AKAP6: variants seen among roughly 807,000 people sequenced by gnomAD.
The protein encoded by AKAP6 is A-kinase anchoring protein 6, also known as A-kinase anchor protein 6.
AKAP6 carries 58 observed loss-of-function variants against 188.5 expected under a neutral mutation model. That is an observed-to-expected ratio of 0.31 (90% CI 0.25 to 0.38). AKAP6 has a LOEUF of 0.38. Among genes scored for constraint, AKAP6 ranks in the 10% least tolerant of loss-of-function variants. The pLI is 1.00. For missense variants in AKAP6, 2,710 were observed against 2,740.0 expected (o/e 0.99, Z 0.24); for synonymous variants, 989 against 998.6 (o/e 0.99, Z 0.18).
At chr14:32,398,851 T>G (rs56312139) in intron 1 of AKAP6, among the ~76,000 whole-genome samples, 4,182 of 110,358 alleles carry the variant, frequency 0.038, 36 homozygotes, top group East Asian at 0.06. Flanking sequence ...CCTGTTTTTT[T>G]TTTTTTTTTT....
intron 5 of AKAP6, among the ~76,000 whole-genome samples, chr14:32,590,448 AAAC>A (rs1407359813): frequency 1.3e-5 from 2 of 152,226 alleles, no homozygotes; most frequent in East Asian, 3.9e-4. Flanking sequence ...CTCAGAAACA[AAAC>A]AAAACAAAAC....
chr14:32,547,667 G>A (rs1883041053), intron 4 of AKAP6, among the ~76,000 whole-genome samples: 1 of 151,988 alleles, frequency 6.6e-6, no homozygotes, highest in Non-Finnish European at 1.5e-5. Flanking sequence ...CGACGGCTTG[G>A]GCAATGTAGG....
intron 1 of AKAP6, among the ~76,000 whole-genome samples, chr14:32,329,748 A>G (rs1886471501): frequency 1.3e-5 from 2 of 151,646 alleles, no homozygotes; most frequent in Admixed American, 1.3e-4. Context: ...GTAAAAATAT[A>G]GATTTCTTTT....
At chr14:32,387,554 G>T (rs542465208) in intron 1 of AKAP6, among the ~76,000 whole-genome samples, 1 of 148,688 alleles carries the variant, frequency 6.7e-6, no homozygotes, top group Non-Finnish European at 1.5e-5. Flanking sequence ...AATCATAAAG[G>T]GATGCTGGAT....
At chr14:32,738,374 C>G (rs1242607722) in intron 11 of AKAP6, among the ~76,000 whole-genome samples, 2 of 152,138 alleles carry the variant, frequency 1.3e-5, no homozygotes, top group South Asian at 4.1e-4. Flanking sequence ...GGCCTGGTCC[C>G]AAAACGAGTC....
rs1417208928 is a variant in AKAP6, at chr14:32,387,416, T to A, written c.-34-46044T>A. ...CAACTTTTCCCCATTCAGTATTATG[T>A]TTGCTGTGGGTTTGTCATCGATGGC... On this transcript the variant is annotated intron_variant, in intron 1 of 13. Coordinates refer to ENST00000280979, the MANE Select transcript of AKAP6 (RefSeq NM_004274.5). 5.3e-5 allele frequency among the ~76,000 whole-genome samples: 8 copies of A among 151,294 alleles called. 1 individual carries two copies. In the East Asian group the frequency reaches 1.5e-3, roughly 29 times the overall value.
chr14:32,576,854 A>ACAATC lies in AKAP6; in HGVS notation c.2347-257_2347-253dup, dbSNP rs1218695650. On this transcript the variant is annotated intron_variant, in intron 4 of 13. Transcript: ENST00000280979. The stretch of plus-strand genomic sequence containing the variant: ...GAGGTCACCCATACAGTGACACCCC[A>ACAATC]CAATCCAATCCAAATTCCTCAGAAA... Among the ~76,000 whole-genome samples, 5 of 152,228 alleles carry ACAATC rather than the reference A, an allele frequency of 3.3e-5. No individual in the cohort carries two copies. In the East Asian group the frequency reaches 9.7e-4, roughly 29 times the overall value.
Position 32,824,707 on chromosome 14 carries a change from A to C in AKAP6, c.6894A>C (p.Lys2298Asn), listed in dbSNP as rs755987137. The change falls in exon 13 of 14, where the codon AAA becomes AAC. Residue 2298 changes from lysine to asparagine, a missense_variant. Physicochemically the swap from Lys to Asn is moderately conservative, Grantham distance 94. Around this residue, in one of 2 missense-constraint regions of AKAP6, gnomAD observed 2,473 missense variants for 2,426.1 expected, o/e 1.02. Transcript: ENST00000280979. ...AGGCCGCATTGCATCCCAGCCCCAA[A>C]ACTTTAACCTGTGAAGAAAATCTTC... ...TDKAALHPSPKTLTCEENLLN... is the reference protein window; with the variant it reads ...TDKAALHPSPNTLTCEENLLN... The C allele has an allele frequency of 2.5e-6, 4 of 1,613,822 alleles. No homozygotes were observed. Among genetic ancestry groups the C allele is most frequent in the Non-Finnish European group, 3.4e-6 (4 of 1,179,894 alleles).
intron 1 of AKAP6, among the ~76,000 whole-genome samples, chr14:32,333,452 A>T (rs549541106): frequency 1.3e-5 from 2 of 152,296 alleles, no homozygotes; most frequent in African/African-American, 4.8e-5. Flanking sequence ...TTCCCCAGCT[A>T]CATTCTAGAG....
intron 2 of AKAP6, among the ~76,000 whole-genome samples, chr14:32,496,715 T>C (rs1880338141): frequency 6.6e-6 from 1 of 152,178 alleles, no homozygotes; most frequent in Non-Finnish European, 1.5e-5. Context: ...GCTTGAACCA[T>C]ATGAAATTGC....
chr14:32,398,998 C>T (rs1380314175), intron 1 of AKAP6, among the ~76,000 whole-genome samples: 1 of 151,526 alleles, frequency 6.6e-6, no homozygotes, highest in African/African-American at 2.4e-5. Flanking sequence ...TGGGACCAGG[C>T]ATGCCACCAT....
intron 9 of AKAP6, among the ~76,000 whole-genome samples, chr14:32,727,043 A>G (rs141346284): frequency 1.3e-5 from 2 of 152,312 alleles, no homozygotes; most frequent in Non-Finnish European, 2.9e-5. Flanking sequence ...TCAGAAGGAT[A>G]TCAAATTTAT....
chr14:32,607,046 A>G (rs1386608353), intron 7 of AKAP6, among the ~76,000 whole-genome samples: 3 of 152,188 alleles, frequency 2.0e-5, no homozygotes, highest in East Asian at 3.9e-4. Flanking sequence ...TTAACCCAGT[A>G]TCTATGCTAA....
intron 2 of AKAP6, among the ~76,000 whole-genome samples, chr14:32,520,880 A>G (rs1047567002): frequency 1.4e-4 from 22 of 152,198 alleles, no homozygotes; most frequent in African/African-American, 4.6e-4. Flanking sequence ...AGCCTGGCAG[A>G]CACAACAAAA....
chr14:32,539,026 C>T (rs1882805681), intron 3 of AKAP6, among the ~76,000 whole-genome samples: 1 of 152,034 alleles, frequency 6.6e-6, no homozygotes, highest in Non-Finnish European at 1.5e-5. Context: ...TGGTTTCTTA[C>T]TATGTATAAG....
intron 11 of AKAP6, among the ~76,000 whole-genome samples, chr14:32,766,617 T>C (rs1275336520): frequency 6.6e-6 from 1 of 152,184 alleles, no homozygotes; most frequent in East Asian, 1.9e-4. Context: ...CCTTTTTTCA[T>C]ATTTTTTTGC....
At chr14:32,364,531 C>T (rs1355223120) in intron 1 of AKAP6, among the ~76,000 whole-genome samples, 1 of 152,070 alleles carries the variant, frequency 6.6e-6, no homozygotes, top group Non-Finnish European at 1.5e-5. Flanking sequence ...ATCCCTTTGT[C>T]TAAGGTAAAT....
chr14:32,786,300 T>A (rs1292993526), intron 12 of AKAP6, among the ~76,000 whole-genome samples: 12 of 52,270 alleles, frequency 2.3e-4, no homozygotes, highest in Admixed American at 1.9e-3. Context: ...ACCTTTATCT[T>A]TTTTTTTTTT....
rs536977249 is a variant in AKAP6 at position 32,464,129 on chromosome 14, G to C, written c.324+30312G>C. 1.1e-4 allele frequency among the ~76,000 whole-genome samples: 16 copies of C among 152,218 alleles called. No homozygotes were observed. In the South Asian group the frequency reaches 3.3e-3, roughly 32 times the overall value. ...AGCCTACCAACCAAAAAAAGCCCAG[G>C]ACCAGATGGATACACAGCCGAATTC... On this transcript the variant is annotated intron_variant, in intron 2 of 13. Coordinates refer to ENST00000280979, the MANE Select transcript of AKAP6 (RefSeq NM_004274.5).
Sources: gnomAD v4.1 joint callset for allele counts (sites outside exome capture counted in the v4.1 genomes callset) on GRCh38, gnomAD v4.1.1 for gene constraint, gnomAD v4.1.1 regional missense constraint, MANE v1.5 for transcripts, NCBI Gene and HGNC (gene_info 2026-07-23, HGNC 2026-07-21) for gene names.